The following EFCAB6 variants were observed in gnomAD, a reference collection of about 807,000 sequenced individuals.
EFCAB6 encodes EF-hand calcium-binding domain-containing protein 6.
EFCAB6 carries 156 observed loss-of-function variants against 169.8 expected under a neutral mutation model. The ratio of observed to expected loss-of-function variants is 0.92; its 90% CI spans 0.81 to 1.05. EFCAB6 has a LOEUF of 1.05. Among genes scored for constraint, EFCAB6 ranks in the 50% least tolerant of loss-of-function variants. EFCAB6 has a pLI of 0.00. For missense variants in EFCAB6, 1,800 were observed against 1,829.1 expected (o/e 0.98, Z 0.29); for synonymous variants, 698 against 676.4 (o/e 1.03, Z -0.50).
intron 26 of EFCAB6, among the ~76,000 whole-genome samples, chr22:43,568,602 G>T (rs1319157698): frequency 6.6e-6 from 1 of 152,122 alleles, no homozygotes; most frequent in Non-Finnish European, 1.5e-5. Context: ...AATGAGGCGG[G>T]AGTGCTCTGA....
chr22:43,703,745 C>G (rs2058848611), intron 10 of EFCAB6, among the ~76,000 whole-genome samples: 1 of 150,324 alleles, frequency 6.7e-6, no homozygotes, highest in African/African-American at 2.4e-5. Context: ...AAAGCTTCAA[C>G]AGCATGCTCA....
Position 43,672,004 on chromosome 22 carries a change from A to C in EFCAB6, c.1609T>G (p.Cys537Gly). 6.2e-7 allele frequency: 1 copy of C among 1,614,108 alleles called. No homozygotes were observed. The change falls in exon 15 of 32, where the codon TGT becomes GGT. Residue 537 changes from cysteine to glycine, a missense_variant. Transcript: ENST00000262726. ...NNFKKIMHVF[C>G]PFLTNAHFIK... The stretch of plus-strand genomic sequence containing the variant: ...AAATGTGCATTCGTTAAAAATGGAC[A>C]GAAGACGTGCATGATTTTCTTGAAA...
At chr22:43,715,012 T>C (rs528418637) in intron 9 of EFCAB6, among the ~76,000 whole-genome samples, 50 of 152,192 alleles carry the variant, frequency 3.3e-4, no homozygotes, top group African/African-American at 1.2e-3. Context: ...GCAAAAATGG[T>C]GAGGTGGGAG....
chr22:43,543,809 C>G (rs1202287691), intron 27 of EFCAB6, among the ~76,000 whole-genome samples: 3 of 152,168 alleles, frequency 2.0e-5, no homozygotes, highest in Non-Finnish European at 4.4e-5. Flanking sequence ...CTCTCAGGCA[C>G]TGATGTGAGC....
chr22:43,566,352 C>T (rs944178264), intron 26 of EFCAB6, among the ~76,000 whole-genome samples: 15 of 152,174 alleles, frequency 9.9e-5, no homozygotes, highest in Non-Finnish European at 2.1e-4. Context: ...ACAGCTAATC[C>T]GAAGATTCCA....
intron 15 of EFCAB6, among the ~76,000 whole-genome samples, chr22:43,669,713 C>A (rs563579550): frequency 6.6e-5 from 10 of 152,038 alleles, no homozygotes; most frequent in African/African-American, 2.2e-4. Context: ...TAAATGTGTG[C>A]AGAGTATTGT....
intron 1 of EFCAB6, among the ~76,000 whole-genome samples, chr22:43,810,834 A>G (rs992535528): frequency 1.3e-5 from 2 of 152,362 alleles, no homozygotes; most frequent in South Asian, 4.1e-4. Flanking sequence ...GGATCTTGCA[A>G]TAAGACTGGA....
chr22:43,555,799 A>G (rs534398972), intron 26 of EFCAB6, among the ~76,000 whole-genome samples: 7 of 152,302 alleles, frequency 4.6e-5, no homozygotes, highest in African/African-American at 1.7e-4. Context: ...CCTTGGTGCT[A>G]AGGACTCTGG....
intron 17 of EFCAB6, among the ~76,000 whole-genome samples, chr22:43,656,542 C>T (rs147205909): frequency 6.6e-6 from 1 of 152,228 alleles, no homozygotes; most frequent in Non-Finnish European, 1.5e-5. Context: ...CACAGTGATG[C>T]CATAAGATTA....
chr22:43,530,811 T>G lies in EFCAB6; in HGVS notation c.4383+4A>C. 1 of 1,613,446 alleles carries G rather than the reference T, an allele frequency of 6.2e-7. No homozygotes were observed. The highest frequency in any genetic ancestry group is 8.5e-7 in the Non-Finnish European group (1 of 1,180,046). ...AGAGGCACTGGGCGCAGAGCTGTGC[T>G]CACCGTCCTGAAATCTGCGACGCTT... On this transcript the variant is annotated splice_donor_region_variant and intron_variant, in intron 31 of 31. Coordinates refer to ENST00000262726, the MANE Select transcript of EFCAB6 (RefSeq NM_022785.4).
intron 20 of EFCAB6, among the ~76,000 whole-genome samples, chr22:43,624,953 T>C (rs2054395423): frequency 6.6e-6 from 1 of 152,158 alleles, no homozygotes; most frequent in East Asian, 1.9e-4. Context: ...GGGAAGAATT[T>C]TGTTTGTTTG....
At chr22:43,683,241 G>A (rs1318798277) in intron 12 of EFCAB6, among the ~76,000 whole-genome samples, 1 of 152,184 alleles carries the variant, frequency 6.6e-6, no homozygotes, top group Admixed American at 6.5e-5. Flanking sequence ...AGTCAGACAG[G>A]AGCTAATGGT....
At chr22:43,598,187 G>T (rs868419911) in intron 23 of EFCAB6, among the ~76,000 whole-genome samples, 1 of 151,680 alleles carries the variant, frequency 6.6e-6, no homozygotes, top group Non-Finnish European at 1.5e-5. Context: ...TGTACCGGTA[G>T]TCCCAGCTAC....
intron 8 of EFCAB6, among the ~76,000 whole-genome samples, chr22:43,720,110 C>T (rs1175664487): frequency 6.6e-5 from 10 of 151,932 alleles, no homozygotes; most frequent in African/African-American, 2.4e-4. Context: ...ATCAAATCAC[C>T]ACATTGTACA....
chr22:43,532,323 A>AC (rs1235446741), intron 30 of EFCAB6, among the ~76,000 whole-genome samples: 5 of 152,166 alleles, frequency 3.3e-5, no homozygotes, highest in Non-Finnish European at 5.9e-5. Context: ...GGCCCCTTTC[A>AC]CTGGGGAGGG....
chr22:43,667,677 A>G (rs1318471542), intron 16 of EFCAB6, among the ~76,000 whole-genome samples: 1 of 152,216 alleles, frequency 6.6e-6, no homozygotes, highest in African/African-American at 2.4e-5. Context: ...AGAAAGCTTT[A>G]AATGAAAGAA....
intron 12 of EFCAB6, among the ~76,000 whole-genome samples, chr22:43,679,196 G>A (rs1185574606): frequency 6.6e-6 from 1 of 152,154 alleles, no homozygotes; most frequent in Non-Finnish European, 1.5e-5. Context: ...TCCATTTTCT[G>A]TCTCTAGATA....
intron 8 of EFCAB6, among the ~76,000 whole-genome samples, chr22:43,718,910 T>G (rs2059426791): frequency 6.6e-6 from 1 of 152,192 alleles, no homozygotes; most frequent in African/African-American, 2.4e-5. Context: ...CGCTGAAAGA[T>G]GAGGAAGCTG....
At chr22:43,686,663 G>T (rs1385408394) in intron 11 of EFCAB6, among the ~76,000 whole-genome samples, 1 of 152,158 alleles carries the variant, frequency 6.6e-6, no homozygotes, top group East Asian at 1.9e-4. Context: ...CTGTTAACAG[G>T]CGCAGTTCAT....
Sources: gnomAD v4.1 joint callset for allele counts (sites outside exome capture counted in the v4.1 genomes callset) on GRCh38, gnomAD v4.1.1 for gene constraint, MANE v1.5 for transcripts, NCBI Gene and HGNC (gene_info 2026-07-23, HGNC 2026-07-21) for gene names.